DLGAP2: variants seen among roughly 807,000 people sequenced by gnomAD.
The protein encoded by DLGAP2 is disks large-associated protein 2.
A neutral mutation model predicts 100.3 loss-of-function variants in DLGAP2; 26 were observed. The ratio of observed to expected loss-of-function variants is 0.26; its 90% CI spans 0.19 to 0.36. The LOEUF is 0.36. Ranked by LOEUF, DLGAP2 falls within the 10% of genes least tolerant of loss-of-function variation. The probability of loss-of-function intolerance (pLI) is 1.00; values close to 1 mark genes in which losing one functional copy is unlikely to be tolerated. For missense variants in DLGAP2, 1,858 were observed against 1,453.2 expected (o/e 1.28, Z -4.53); for synonymous variants, 886 against 630.1 (o/e 1.41, Z -6.08).
chr8:1,593,734 G>T (rs1182617498), intron 6 of DLGAP2, among the ~76,000 whole-genome samples: 2 of 152,164 alleles, frequency 1.3e-5, no homozygotes, highest in African/African-American at 4.8e-5. Context: ...CATTGGGCCT[G>T]CTGGAGTCTG....
intron 2 of DLGAP2, among the ~76,000 whole-genome samples, chr8:917,252 T>C (rs1455182690): frequency 7.1e-6 from 1 of 140,144 alleles, no homozygotes; most frequent in Non-Finnish European, 1.6e-5. Context: ...CCTTCCTTCC[T>C]TTCTTCCTGA....
At chr8:750,565 T>G (rs971554141) in intron 1 of DLGAP2, among the ~76,000 whole-genome samples, 6 of 152,072 alleles carry the variant, frequency 3.9e-5, no homozygotes, top group African/African-American at 1.4e-4. Flanking sequence ...AAATTGCCAA[T>G]GAATGGTAAC....
chr8:1,662,857 CA>C (rs1403292922), intron 8 of DLGAP2, among the ~76,000 whole-genome samples: 81 of 148,438 alleles, frequency 5.5e-4, no homozygotes, highest in African/African-American at 1.9e-3. Context: ...CCTGTGTGTA[CA>C]CGTGTGAGTG....
At chr8:1,383,473 C>T (rs1056220314) in intron 3 of DLGAP2, among the ~76,000 whole-genome samples, 30 of 152,126 alleles carry the variant, frequency 2.0e-4, no homozygotes, top group Admixed American at 6.5e-5. Context: ...CACAAGAACA[C>T]GGATGTGGAG....
rs558417410 is a variant in DLGAP2, at chr8:1,519,157, C to G, written c.172+17726C>G. 3.3e-5 allele frequency among the ~76,000 whole-genome samples: 5 copies of G among 152,288 alleles called. No individual in the cohort carries two copies. In the East Asian group the frequency reaches 7.7e-4, roughly 24 times the overall value. On this transcript the variant is annotated intron_variant, in intron 4 of 14. Transcript: ENST00000637795. Reference sequence around the variant, plus strand: ...GTGTCAGAAGGGAAGAATATTTCAGCTGCAATTGGGAAGAAACAGAAGGGG... The same window carrying G: ...GTGTCAGAAGGGAAGAATATTTCAGGTGCAATTGGGAAGAAACAGAAGGGG...
chr8:1,075,721 C>G (rs1193149414), intron 2 of DLGAP2, among the ~76,000 whole-genome samples: 1 of 151,938 alleles, frequency 6.6e-6, no homozygotes, highest in African/African-American at 2.4e-5. Context: ...GCATCTGACC[C>G]CAGGGCATGT....
intron 3 of DLGAP2, among the ~76,000 whole-genome samples, chr8:1,324,628 T>A (rs559344187): frequency 6.6e-6 from 1 of 152,202 alleles, no homozygotes; most frequent in Non-Finnish European, 1.5e-5. Context: ...ACAAGTGTTA[T>A]CCTCTCAAAA....
At chr8:1,047,024 C>T (rs1563163345) in intron 2 of DLGAP2, among the ~76,000 whole-genome samples, 2 of 152,182 alleles carry the variant, frequency 1.3e-5, no homozygotes, top group East Asian at 3.9e-4. Context: ...TTACTCATTT[C>T]TAGTAAACAT....
chr8:1,641,571 C>G lies in DLGAP2; in HGVS notation c.1810+8525C>G, dbSNP rs6995306. Among the ~76,000 whole-genome samples the G allele has an allele frequency of 4.2e-3, 638 of 152,256 alleles. 2 individuals are homozygous for G. Among genetic ancestry groups the G allele is most frequent in the African/African-American group, 0.015 (610 of 41,536 alleles). On this transcript the variant is annotated intron_variant, in intron 8 of 14. Coordinates refer to ENST00000637795, the MANE Select transcript of DLGAP2 (RefSeq NM_001346810.2). Reference sequence around the variant, plus strand: ...CATAGTCCAGGGCTCTTGCAGTTGACAACGATCTGCGTCTGTCCTATGGCT... The same window carrying G: ...CATAGTCCAGGGCTCTTGCAGTTGAGAACGATCTGCGTCTGTCCTATGGCT...
intron 3 of DLGAP2, among the ~76,000 whole-genome samples, chr8:1,417,729 A>AGGCCT (rs1563134364): frequency 1.6e-4 from 2 of 12,708 alleles, no homozygotes; most frequent in Non-Finnish European, 3.5e-4. Flanking sequence ...GGCTCCAGAC[A>AGGCCT]CAGAAGCCCA....
At chr8:1,653,283 C>G (rs940130310) in intron 8 of DLGAP2, among the ~76,000 whole-genome samples, 1 of 152,138 alleles carries the variant, frequency 6.6e-6, no homozygotes, top group Non-Finnish European at 1.5e-5. Flanking sequence ...TGCATTGGTT[C>G]TTGGTGCTGG....
chr8:1,538,320 C>G (rs62484070), intron 4 of DLGAP2, among the ~76,000 whole-genome samples: 2 of 152,206 alleles, frequency 1.3e-5, no homozygotes, highest in African/African-American at 4.8e-5. Context: ...CCCTTGAGCT[C>G]CAGGCTGTCC....
chr8:942,914 C>T (rs184473181), intron 2 of DLGAP2, among the ~76,000 whole-genome samples: 62 of 152,354 alleles, frequency 4.1e-4, no homozygotes, highest in African/African-American at 1.3e-3. Context: ...GAGAGCCACA[C>T]GGGCATGTTT....
intron 4 of DLGAP2, among the ~76,000 whole-genome samples, chr8:1,516,153 G>C (rs999643308): frequency 6.6e-6 from 1 of 152,178 alleles, no homozygotes; most frequent in Non-Finnish European, 1.5e-5. Context: ...GAATGAGTGA[G>C]TGAGTGATTG....
At chr8:789,961 C>T (rs368622477) in intron 1 of DLGAP2, among the ~76,000 whole-genome samples, 16 of 152,270 alleles carry the variant, frequency 1.1e-4, no homozygotes, top group African/African-American at 3.6e-4. Context: ...TCTGTTTTGT[C>T]CTGTGGAAAG....
chr8:1,199,959 A>G (rs2116754728), intron 2 of DLGAP2, among the ~76,000 whole-genome samples: 1 of 151,602 alleles, frequency 6.6e-6, no homozygotes, highest in East Asian at 2.0e-4. Flanking sequence ...CCCCCCGCAG[A>G]GGCCGGGTCT....
chr8:823,313 T>C (rs1585901591), intron 1 of DLGAP2, among the ~76,000 whole-genome samples: 1 of 3,090 alleles, frequency 3.2e-4, no homozygotes, highest in African/African-American at 1.8e-3. Flanking sequence ...TTGAATTCAT[T>C]ATTATTATTA....
rs150041209 is a variant in DLGAP2, at chr8:831,197, C to G, written c.19-76715C>G. ...ACAAGCATGAGTCACCACGCCCGGTCCAGCAGTCACTTTTTTTTTTTTTTT... is the reference window on the plus strand; with the variant it reads ...ACAAGCATGAGTCACCACGCCCGGTGCAGCAGTCACTTTTTTTTTTTTTTT... On this transcript the variant is annotated intron_variant, in intron 1 of 14. Coordinates refer to ENST00000637795, the MANE Select transcript of DLGAP2 (RefSeq NM_001346810.2). Among the ~76,000 whole-genome samples, 974 of 142,244 alleles carry G rather than the reference C, an allele frequency of 6.8e-3. 2 individuals carry two copies. The highest frequency in any genetic ancestry group is 0.011 in the Non-Finnish European group (707 of 66,452). 93.3% of individuals were successfully genotyped at this position (142,244 alleles called of 152,430 possible). A position where few individuals can be genotyped will look rare whatever the true frequency, so the allele number is the denominator to read the frequency against.
chr8:1,685,417 C>A (rs1026629073), intron 12 of DLGAP2, among the ~76,000 whole-genome samples: 1 of 152,210 alleles, frequency 6.6e-6, no homozygotes, highest in Non-Finnish European at 1.5e-5. Context: ...GTCAATGTAT[C>A]ACACAGCTTA....
Sources: allele counts gnomAD v4.1 joint callset (sites outside exome capture counted in the v4.1 genomes callset), GRCh38; gene constraint gnomAD v4.1.1; transcripts MANE v1.5; gene names NCBI Gene and HGNC (gene_info 2026-07-23, HGNC 2026-07-21).